Variants in NEK10 observed in about 807,000 individuals in gnomAD.
NEK10 encodes the protein serine/threonine-protein kinase Nek10.
A neutral mutation model predicts 159.8 loss-of-function variants in NEK10; 122 were observed. That is an observed-to-expected ratio of 0.76 (90% CI 0.66 to 0.89). NEK10 has a LOEUF of 0.89. Among genes scored for constraint, NEK10 ranks in the 40% least tolerant of loss-of-function variants. The pLI, the probability that NEK10 is intolerant of heterozygous loss-of-function variation, is 0.00. For synonymous variants in NEK10, 466 were observed against 457.1 expected (o/e 1.02, Z -0.25); for missense variants, 1,342 against 1,323.1 (o/e 1.01, Z -0.22).
In NEK10 at chr3:27,192,102, C is replaced by G; in HGVS notation, c.2432G>C (p.Arg811Pro). The G allele has an allele frequency of 6.2e-7, 1 of 1,614,148 alleles. No individual in the cohort carries two copies. The highest frequency in any genetic ancestry group is 8.5e-7 in the Non-Finnish European group (1 of 1,180,030). ...LEKKLERERRRTQRYFMEANR... is the reference protein window; with the variant it reads ...LEKKLERERRPTQRYFMEANR... ...GGCTTCCATAAAATACCTTTGTGTG[C>G]GTCTTCGTTCCCGTTCTAGCTTCTT... is the stretch of plus-strand genomic sequence containing the variant. The change falls in exon 26 of 36, where the codon CGC becomes CCC. Residue 811 changes from arginine (R) to proline (P), a missense_variant. Physicochemically the swap from Arg to Pro is moderately radical, Grantham distance 103. Transcript: ENST00000691995.
At chr3:27,277,655 T>C (rs1456355815) in intron 22 of NEK10, among the ~76,000 whole-genome samples, 1 of 152,174 alleles carries the variant, frequency 6.6e-6, no homozygotes, top group Non-Finnish European at 1.5e-5. Context: ...CCTTCCTGCT[T>C]AACTCTGCAC....
At chr3:27,161,449 C>T (rs1474171029) in intron 30 of NEK10, among the ~76,000 whole-genome samples, 1 of 152,114 alleles carries the variant, frequency 6.6e-6, no homozygotes, top group Non-Finnish European at 1.5e-5. Context: ...TCACTATAAA[C>T]ATTAGCTCTA....
At position 27,110,336 on chromosome 3, in the gene NEK10, C is replaced by A. The variant is rs899984446; in HGVS notation, c.*936G>T. 2.6e-5 allele frequency: 4 copies of A among 152,052 alleles called. No individual in the cohort carries two copies. Among genetic ancestry groups the A allele is most frequent in the Non-Finnish European group, 5.9e-5 (4 of 68,018 alleles). The allele number at this position is 152,052 out of a possible 1,614,324, so 9.4% of individuals were successfully genotyped here. On this transcript the variant is annotated 3_prime_UTR_variant, in exon 36 of 36. Coordinates refer to ENST00000691995, the MANE Select transcript of NEK10 (RefSeq NM_001394966.1). Reference sequence around the variant, plus strand: ...TTCTGATTTCACTTCCACTGAGCTGCCTCAATGAGTAAAAAAGGGATTTAA... The same window carrying A: ...TTCTGATTTCACTTCCACTGAGCTGACTCAATGAGTAAAAAAGGGATTTAA...
At chr3:27,325,361 C>T (rs566941352) in intron 5 of NEK10, among the ~76,000 whole-genome samples, 1 of 152,220 alleles carries the variant, frequency 6.6e-6, no homozygotes, top group South Asian at 2.1e-4. Context: ...CACAGCTGAG[C>T]TGATTGTGTA....
rs557883054 is a variant in NEK10, at chr3:27,332,735, T to C, written c.363-10474A>G. Among the ~76,000 whole-genome samples the C allele has an allele frequency of 2.6e-5, 4 of 152,234 alleles. No individual in the cohort carries two copies. The South Asian group carries it at 8.3e-4, about 32-fold the overall frequency. On this transcript the variant is annotated intron_variant, in intron 5 of 35. Coordinates refer to ENST00000691995, the MANE Select transcript of NEK10 (RefSeq NM_001394966.1). The stretch of plus-strand genomic sequence containing the variant: ...AGAGGTCAATTTTATAAGAGGTCAA[T>C]TAATTAGAGAATATGATAATGTTTT...
chr3:27,160,027 G>A (rs1238375782), intron 30 of NEK10, among the ~76,000 whole-genome samples: 1 of 151,584 alleles, frequency 6.6e-6, no homozygotes, highest in Non-Finnish European at 1.5e-5. Flanking sequence ...TGTTGGTTAT[G>A]CATAAGTTCC....
intron 22 of NEK10, among the ~76,000 whole-genome samples, chr3:27,280,378 A>C (rs2042071654): frequency 6.6e-6 from 1 of 152,164 alleles, no homozygotes; most frequent in Non-Finnish European, 1.5e-5. Flanking sequence ...CATAGAATTG[A>C]GATCAAGTTC....
At chr3:27,121,634 G>A (rs1057442794) in intron 32 of NEK10, among the ~76,000 whole-genome samples, 6 of 152,142 alleles carry the variant, frequency 3.9e-5, no homozygotes, top group Non-Finnish European at 8.8e-5. Flanking sequence ...TGATTGTGAG[G>A]CTTCCCCAGC....
intron 5 of NEK10, among the ~76,000 whole-genome samples, chr3:27,324,718 A>T (rs183781617): frequency 7.2e-5 from 11 of 152,142 alleles, no homozygotes; most frequent in African/African-American, 2.2e-4. Flanking sequence ...TGCCAAGATG[A>T]TTCTTTACAA....
chr3:27,276,890 C>T (rs1444165424), intron 22 of NEK10, among the ~76,000 whole-genome samples: 1 of 152,162 alleles, frequency 6.6e-6, no homozygotes, highest in Non-Finnish European at 1.5e-5. Flanking sequence ...TCTCCAAAAA[C>T]CATCAACCAA....
intron 26 of NEK10, among the ~76,000 whole-genome samples, chr3:27,179,326 GTTA>G (rs1559560024): frequency 6.6e-6 from 1 of 152,046 alleles, no homozygotes; most frequent in Non-Finnish European, 1.5e-5. Flanking sequence ...TCATGACATA[GTTA>G]TTATCTCATT....
chr3:27,119,342 T>C (rs1001564867), intron 33 of NEK10, among the ~76,000 whole-genome samples: 2 of 152,154 alleles, frequency 1.3e-5, no homozygotes, highest in African/African-American at 4.8e-5. Flanking sequence ...GAATTTTATG[T>C]AAAAGAGAAA....
chr3:27,325,450 G>T (rs1161992872), intron 5 of NEK10, among the ~76,000 whole-genome samples: 2 of 151,912 alleles, frequency 1.3e-5, no homozygotes, highest in Non-Finnish European at 2.9e-5. Flanking sequence ...TCATTGCCTG[G>T]CCTGTCCCAC....
chr3:27,171,843 C>G lies in NEK10; in HGVS notation c.2807G>C (p.Gly936Ala). 1.2e-6 allele frequency: 2 copies of G among 1,613,688 alleles called. No homozygotes were observed. The highest frequency in any genetic ancestry group is 1.7e-6 in the Non-Finnish European group (2 of 1,179,852). ...CCTTGTTTGGGATTGTCTTTCTCCT[C>G]CTGAAGCACTAAAACTTCTCTTTAA... ...NILKRSFSASGGERQSQTRDF... is the reference protein window; with the variant it reads ...NILKRSFSASAGERQSQTRDF... The change falls in exon 29 of 36, where the codon GGA (glycine) becomes GCA (alanine). Residue 936 changes from glycine to alanine, a missense_variant. Transcript: ENST00000691995.
Position 27,352,596 on chromosome 3 carries a change from T to C in NEK10, c.72-71A>G, listed in dbSNP as rs934763116. 3.6e-6 allele frequency: 4 copies of C among 1,124,666 alleles called. No homozygotes were observed. In the African/African-American group the frequency reaches 6.2e-5, roughly 17 times the overall value. The allele number at this position is 1,124,666 out of a possible 1,614,324, so 69.7% of individuals were successfully genotyped here. On this transcript the variant is annotated intron_variant, in intron 2 of 35. Coordinates refer to ENST00000691995, the MANE Select transcript of NEK10 (RefSeq NM_001394966.1). Reference sequence around the variant, plus strand: ...TGAACAAGATCGTGTTACCCACTGATGGCATTGCCACTTGGAGGCCTGCTT... The same window carrying C: ...TGAACAAGATCGTGTTACCCACTGACGGCATTGCCACTTGGAGGCCTGCTT...
intron 5 of NEK10, 99 bp from the exon 6 acceptor site, chr3:27,322,360 G>T: frequency 1.4e-6 from 1 of 706,216 alleles, no homozygotes; most frequent in South Asian, 1.7e-5. Context: ...AACGCACTAA[G>T]CACTTAGTTA....
At chr3:27,158,626 T>C (rs998488401) in intron 30 of NEK10, among the ~76,000 whole-genome samples, 1 of 152,170 alleles carries the variant, frequency 6.6e-6, no homozygotes, top group African/African-American at 2.4e-5. Flanking sequence ...ATGCAGTGCA[T>C]AAGAACCCAT....
At chr3:27,368,061 G>A (rs1414429298) in intron 1 of NEK10, among the ~76,000 whole-genome samples, 1 of 152,204 alleles carries the variant, frequency 6.6e-6, no homozygotes, top group African/African-American at 2.4e-5. Flanking sequence ...GGGAGGCTGA[G>A]GCGGGTGGAT....
At chr3:27,342,917 T>C (rs1559533147) in intron 5 of NEK10, among the ~76,000 whole-genome samples, 1 of 152,310 alleles carries the variant, frequency 6.6e-6, no homozygotes, top group Non-Finnish European at 1.5e-5. Flanking sequence ...AGTTGAAATA[T>C]ATATGTAACT....
Sources: gnomAD v4.1 joint callset for allele counts (sites outside exome capture counted in the v4.1 genomes callset) on GRCh38, gnomAD v4.1.1 for gene constraint, MANE v1.5 for transcripts, NCBI Gene and HGNC (gene_info 2026-07-23, HGNC 2026-07-21) for gene names.